CD99: variants seen among roughly 807,000 people sequenced by gnomAD.
CD99 encodes the protein CD99 molecule (Xg blood group).
In CD99, 19 loss-of-function variants were observed where a neutral mutation model predicts 28.4. That is an observed-to-expected ratio of 0.67 (90% confidence interval 0.47 to 0.98). CD99 has a LOEUF of 0.98. Among genes scored for constraint, CD99 ranks in the 50% least tolerant of loss-of-function variants. The pLI, the probability that CD99 is intolerant of heterozygous loss-of-function variation, is 0.00. For synonymous variants in CD99, 103 were observed against 92.1 expected, an observed-to-expected ratio of 1.12 and a Z score of -0.67; for missense variants, 283 against 248.8, an observed-to-expected ratio of 1.14 and a Z score of -0.92.
intron 1 of CD99, chrX:2,692,258 T>A: frequency 2.5e-5 from 3 of 118,136 alleles, no homozygotes; most frequent in Non-Finnish European, 5.2e-5. Context: ...TATAAATTCT[T>A]TTTTCAATGG....
chrX:2,716,528 G>A (rs2048728006), intron 2 of CD99, among the ~76,000 whole-genome samples: 1 of 152,070 alleles, frequency 6.6e-6, no homozygotes, highest in Non-Finnish European at 1.5e-5. Flanking sequence ...GTCTCACTGT[G>A]TTGCTCAGAT....
intron 1 of CD99, among the ~76,000 whole-genome samples, chrX:2,712,510 C>G (rs191960614): frequency 3.2e-4 from 49 of 152,236 alleles, no homozygotes; most frequent in African/African-American, 1.0e-3. Flanking sequence ...GTGCGTGTGT[C>G]TGTACCTGCC....
chrX:2,691,941 T>G (rs754702606), intron 1 of CD99: 3 of 778,890 alleles, frequency 3.9e-6, no homozygotes, highest in Non-Finnish European at 7.2e-6. Flanking sequence ...GAAAAAAACT[T>G]TGAGCCCTGA....
At position 2,722,652 on chromosome X, in the gene CD99, G is replaced by T. The variant is rs151333222; in HGVS notation, c.288G>T (p.Ala96=). ...GTAGCTTTTCAGATGCTGACCTTGC[G>T]GATGGCGTTTCAGGTGGAGAAGGTA... ...SSGSFSDADL[A]DGVSGGEGKG... is the part of the protein sequence containing the mutation. The change falls in exon 6 of 10, where the codon GCG becomes GCT. Residue 96 remains alanine (A), a synonymous_variant. Coordinates refer to ENST00000381192, the MANE Select transcript of CD99 (RefSeq NM_002414.5). The T allele has an allele frequency of 2.5e-6, 4 of 1,613,938 alleles. No individual in the cohort carries two copies. The South Asian group carries it at 3.3e-5, about 13-fold the overall frequency.
chrX:2,721,220 A>C (rs1368805146), intron 5 of CD99, among the ~76,000 whole-genome samples: 1 of 152,050 alleles, frequency 6.6e-6, no homozygotes, highest in Non-Finnish European at 1.5e-5. Flanking sequence ...AACACAGAAG[A>C]ATATTAATGA....
rs184809759 is a variant in CD99 at position 2,723,246 on chromosome X, C to T, written c.311-68C>T. 7.4e-5 allele frequency: 112 copies of T among 1,516,232 alleles called. No individual in the cohort carries two copies. In the Admixed American group the frequency reaches 1.0e-3, roughly 14 times the overall value. 93.9% of individuals were successfully genotyped at this position (1,516,232 alleles called of 1,614,324 possible). ...AAGAAGCAGGACCCCAGCCTCTTCA[C>T]GGTCCTGGCTGTGAATTTTTCCTTG... On this transcript the variant is annotated intron_variant, in intron 6 of 9. Transcript: ENST00000381192.
intron 7 of CD99, among the ~76,000 whole-genome samples, chrX:2,723,977 AGAAG>A (rs896949039): frequency 1.4e-5 from 2 of 139,464 alleles, no homozygotes; most frequent in African/African-American, 2.9e-5. Flanking sequence ...AGGGAAGGAA[AGAAG>A]GAAGGAGGGA....
At chrX:2,717,513 T>G (rs1157092734) in intron 2 of CD99, 92 bp from the exon 3 acceptor site, 3 of 1,043,734 alleles carry the variant, frequency 2.9e-6, no homozygotes, top group Non-Finnish European at 4.5e-6. Flanking sequence ...TCCGACTGTT[T>G]CCAAGAAAAT....
intron 8 of CD99, among the ~76,000 whole-genome samples, chrX:2,733,013 C>T (rs1185747707): frequency 6.7e-6 from 1 of 149,028 alleles, no homozygotes; most frequent in East Asian, 2.0e-4. Context: ...TTCCTCCATA[C>T]CTCCCTGCTT....
chrX:2,705,999 G>C (rs1267806931), intron 1 of CD99, among the ~76,000 whole-genome samples: 1 of 151,136 alleles, frequency 6.6e-6, no homozygotes, highest in African/African-American at 2.4e-5. Context: ...CCCCAAACCT[G>C]GAATGAAAGT....
intron 1 of CD99, among the ~76,000 whole-genome samples, chrX:2,713,618 T>A (rs1461033966): frequency 6.6e-6 from 1 of 152,188 alleles, no homozygotes; most frequent in Non-Finnish European, 1.5e-5. Flanking sequence ...CGTTTGCACC[T>A]GTTGTGGAAC....
intron 8 of CD99, among the ~76,000 whole-genome samples, chrX:2,729,091 C>G (rs1356978545): frequency 2.0e-5 from 3 of 152,148 alleles, no homozygotes; most frequent in Non-Finnish European, 4.4e-5. Context: ...CAATCTTGGC[C>G]TCCCAAAGTG....
chrX:2,721,904 T>C (rs1222100499), intron 5 of CD99, among the ~76,000 whole-genome samples: 2 of 152,230 alleles, frequency 1.3e-5, no homozygotes, highest in Non-Finnish European at 2.9e-5. Flanking sequence ...AAGACATTTC[T>C]AGCATTCAAA....
chrX:2,727,169 G>A (rs1027399881), intron 8 of CD99: 34 of 708,448 alleles, frequency 4.8e-5, no homozygotes, highest in Non-Finnish European at 5.8e-5. Flanking sequence ...CCAGCACAGC[G>A]GATTCCCTTT....
chrX:2,694,203 G>T (rs911190801), intron 1 of CD99, among the ~76,000 whole-genome samples: 4 of 151,988 alleles, frequency 2.6e-5, no homozygotes, highest in African/African-American at 9.7e-5. Flanking sequence ...AAACATCTAC[G>T]GAACCGACAT....
At chrX:2,726,725 G>A (rs2049304942) in intron 8 of CD99, among the ~76,000 whole-genome samples, 1 of 152,196 alleles carries the variant, frequency 6.6e-6, no homozygotes, top group South Asian at 2.1e-4. Flanking sequence ...AGCAAAGGTG[G>A]AAGACACTTA....
intron 1 of CD99, among the ~76,000 whole-genome samples, chrX:2,701,381 T>C (rs143905319): frequency 0.064 from 9,764 of 152,322 alleles, 516 homozygotes; most frequent in African/African-American, 0.14. Flanking sequence ...CCCTGTTTTT[T>C]GTTCTCTGCT....
intron 1 of CD99, among the ~76,000 whole-genome samples, chrX:2,698,993 C>T (rs2047709791): frequency 6.6e-6 from 1 of 151,416 alleles, no homozygotes. Context: ...GTGGTACAGT[C>T]ATAGCTCACT....
At chrX:2,728,528 G>A (rs1033758433) in intron 8 of CD99, among the ~76,000 whole-genome samples, 6 of 151,948 alleles carry the variant, frequency 3.9e-5, no homozygotes, top group African/African-American at 1.2e-4. Flanking sequence ...AGTTTTGAGC[G>A]GGACCCAAAT....
Sources: gnomAD v4.1 joint callset for allele counts (sites outside exome capture counted in the v4.1 genomes callset) on GRCh38, gnomAD v4.1.1 for gene constraint, MANE v1.5 for transcripts, NCBI Gene and HGNC (gene_info 2026-07-23, HGNC 2026-07-21) for gene names.